RTN4: variants seen among roughly 807,000 people sequenced by gnomAD.
RTN4 encodes reticulon 4.
A neutral mutation model predicts 90.4 loss-of-function variants in RTN4; 32 were observed. The observed-to-expected ratio is 0.35, with a 90% CI of 0.27 to 0.48. RTN4 has a LOEUF of 0.48. RTN4 is among the 20% of genes least tolerant of loss of function. The probability of loss-of-function intolerance (pLI) is 0.99; values close to 1 mark genes in which losing one functional copy is unlikely to be tolerated. For missense variants in RTN4, 1,706 were observed against 1,430.2 expected (o/e 1.19, Z -3.11); for synonymous variants, 629 against 552.5 (o/e 1.14, Z -1.94).
At position 55,038,223 on chromosome 2, in the gene RTN4, A is replaced by T. The variant is rs1021542690; in HGVS notation, c.557-10003T>A. On this transcript the variant is annotated intron_variant, in intron 1 of 8. Coordinates refer to ENST00000337526, the MANE Select transcript of RTN4 (RefSeq NM_020532.5). ...TGTCTTCACAATCCTGGAAGGAGGC[A>T]AAGATGTCTTAGACATCACAAAGAA... is the stretch of plus-strand genomic sequence containing the variant. 7.9e-5 allele frequency among the ~76,000 whole-genome samples: 12 copies of T among 152,316 alleles called. No homozygotes were observed. The East Asian group carries it at 2.3e-3, about 29-fold the overall frequency.
chr2:55,107,403 CAAA>C (rs35664699), intron 1 of RTN4, among the ~76,000 whole-genome samples: 10 of 101,220 alleles, frequency 9.9e-5, no homozygotes, highest in Admixed American at 2.1e-4. Context: ...GACTGAACCT[CAAA>C]AAAAAAAAAA....
At chr2:55,128,326 C>G in the RTN4 span, among the ~76,000 whole-genome samples, 1 of 152,224 alleles carries the variant, frequency 6.6e-6, no homozygotes, top group Non-Finnish European at 1.5e-5. Flanking sequence ...TTTGCACCCT[C>G]CTAGGGTGGA....
intron 5 of RTN4, among the ~76,000 whole-genome samples, chr2:54,975,625 C>T (rs528871409): frequency 6.6e-6 from 1 of 152,218 alleles, no homozygotes; most frequent in African/African-American, 2.4e-5. Flanking sequence ...AGCTCCCACA[C>T]TATACAAAAA....
At chr2:54,973,701 A>C in intron 7 of RTN4, 80 bp from the exon 8 acceptor site, 1 of 1,497,122 alleles carries the variant, frequency 6.7e-7, no homozygotes. Flanking sequence ...CTAAAGGCTT[A>C]AGAAACCATC....
intron 3 of RTN4, among the ~76,000 whole-genome samples, chr2:55,000,288 G>C (rs1318116089): frequency 2.0e-5 from 3 of 152,104 alleles, no homozygotes; most frequent in Non-Finnish European, 4.4e-5. Flanking sequence ...CAAATACCTG[G>C]CAAGCCAGCA....
chr2:55,030,834 AAGTT>A (rs1257899751), intron 1 of RTN4, among the ~76,000 whole-genome samples: 1 of 152,190 alleles, frequency 6.6e-6, no homozygotes, highest in African/African-American at 2.4e-5. Flanking sequence ...TCAGCCCCTC[AAGTT>A]AGTTCTCCTG....
intron 1 of RTN4, among the ~76,000 whole-genome samples, chr2:55,042,087 A>C (rs1225723729): frequency 1.3e-5 from 2 of 152,122 alleles, no homozygotes; most frequent in Non-Finnish European, 2.9e-5. Flanking sequence ...ATGAAAAATG[A>C]CTCAAATTTA....
rs768438198 is a variant in RTN4, at chr2:55,025,770, C to G, written c.2329G>C (p.Glu777Gln). 5 of 1,613,266 alleles carry G rather than the reference C, an allele frequency of 3.1e-6. No individual in the cohort carries two copies. Among genetic ancestry groups the G allele is most frequent in the African/African-American group, 1.3e-5 (1 of 74,864 alleles). ...VKESLTETSFESMIEYENKEK... is the reference protein window; with the variant it reads ...VKESLTETSFQSMIEYENKEK... ...TTATTTTCATATTCTATCATTGACT[C>G]AAATGAAGTCTCAGTGAGACTTTCT... The change falls in exon 3 of 9, where the codon GAG (glutamate) becomes CAG (glutamine). Residue 777 changes from glutamate (E) to glutamine (Q), a missense_variant. Coordinates refer to ENST00000337526, the MANE Select transcript of RTN4 (RefSeq NM_020532.5).
At chr2:55,110,815 C>G (rs764507501) in intron 1 of RTN4, among the ~76,000 whole-genome samples, 1 of 152,176 alleles carries the variant, frequency 6.6e-6, no homozygotes, top group African/African-American at 2.4e-5. Context: ...CCAAGGCAGG[C>G]AGGTCGCCTG....
At position 55,025,319 on chromosome 2, in the gene RTN4, T is replaced by C; in HGVS notation, c.2780A>G (p.Lys927Arg). 4 of 1,613,892 alleles carry C rather than the reference T, an allele frequency of 2.5e-6. No homozygotes were observed. The highest frequency in any genetic ancestry group is 1.3e-5 in the African/African-American group (1 of 75,004). Reference protein sequence around the residue: ...HDLSLKNIQPKVEEKISFSDD... With the variant: ...HDLSLKNIQPRVEEKISFSDD... ...TGAGAAACTGATTTTCTCTTCAACT[T>C]TGGGTTGTATGTTCTTCAAAGAAAG... Residue 927 changes from lysine (K) to arginine (R), a missense_variant, in exon 3 of 9, where the codon AAA becomes AGA. Coordinates refer to ENST00000337526, the MANE Select transcript of RTN4 (RefSeq NM_020532.5).
At chr2:55,017,473 T>C (rs1681125759) in intron 3 of RTN4, among the ~76,000 whole-genome samples, 1 of 152,204 alleles carries the variant, frequency 6.6e-6, no homozygotes, top group Non-Finnish European at 1.5e-5. Flanking sequence ...ATAGTTTAAT[T>C]ATAATGAACA....
At chr2:55,062,987 G>A (rs1573491608) in intron 2 of RTN4, among the ~76,000 whole-genome samples, 1 of 152,166 alleles carries the variant, frequency 6.6e-6, no homozygotes, top group East Asian at 1.9e-4. Flanking sequence ...CTGTGAGGTG[G>A]AAGCCATATG....
chr2:55,112,125 C>T (rs1468353175), intron 1 of RTN4, among the ~76,000 whole-genome samples: 1 of 152,166 alleles, frequency 6.6e-6, no homozygotes, highest in Non-Finnish European at 1.5e-5. Context: ...TGAGAGGCCC[C>T]CTGTGGGGGA....
At chr2:55,096,848 C>CA (rs1485937033) in intron 1 of RTN4, among the ~76,000 whole-genome samples, 2 of 150,200 alleles carry the variant, frequency 1.3e-5, no homozygotes, top group Non-Finnish European at 1.5e-5. Context: ...CCCAGGAATA[C>CA]AAAAAATACG....
chr2:54,988,127 G>A (rs112622709), intron 3 of RTN4, among the ~76,000 whole-genome samples: 1 of 152,184 alleles, frequency 6.6e-6, no homozygotes, highest in African/African-American at 2.4e-5. Flanking sequence ...CACCAGCCTG[G>A]CCAACACGGC....
At chr2:54,985,153 CTTTTTTTTTT>C (rs71769973) in intron 4 of RTN4, among the ~76,000 whole-genome samples, 22 of 57,894 alleles carry the variant, frequency 3.8e-4, no homozygotes, top group African/African-American at 8.6e-4. Context: ...ATGACTCGGC[CTTTTTTTTTT>C]TTTTTTTTTT....
At chr2:55,090,211 A>C (rs1420935101) in intron 1 of RTN4, among the ~76,000 whole-genome samples, 1 of 152,130 alleles carries the variant, frequency 6.6e-6, no homozygotes, top group Non-Finnish European at 1.5e-5. Context: ...AGTATCTGCG[A>C]ATAGGAGGTA....
chr2:55,120,534 C>G, the RTN4 span, among the ~76,000 whole-genome samples: 1 of 152,018 alleles, frequency 6.6e-6, no homozygotes, highest in Non-Finnish European at 1.5e-5. Flanking sequence ...AGTCAGAAGA[C>G]GAGCAGGAGA....
intron 3 of RTN4, among the ~76,000 whole-genome samples, chr2:54,988,813 C>A (rs751272358): frequency 3.9e-5 from 6 of 152,182 alleles, no homozygotes; most frequent in Non-Finnish European, 5.9e-5. Context: ...TGCTCTTGGA[C>A]ATGGCCACAG....
Sources: gnomAD v4.1 joint callset for allele counts (sites outside exome capture counted in the v4.1 genomes callset) on GRCh38, gnomAD v4.1.1 for gene constraint, MANE v1.5 for transcripts, NCBI Gene and HGNC (gene_info 2026-07-23, HGNC 2026-07-21) for gene names.